The following CEP290 variants were observed in gnomAD, a reference collection of about 807,000 sequenced individuals.
The protein encoded by CEP290 is centrosomal protein 290, also known as centrosomal protein of 290 kDa.
In CEP290, 317 loss-of-function variants were observed where a neutral mutation model predicts 344.9. The ratio of observed to expected loss-of-function variants is 0.92; its 90% CI spans 0.84 to 1.01. CEP290 has a LOEUF of 1.01. Among genes scored for constraint, CEP290 ranks in the 50% least tolerant of loss-of-function variants. CEP290 has a pLI of 0.00. For missense variants in CEP290, 2,754 were observed against 2,761.4 expected (o/e 1.00, Z 0.06); for synonymous variants, 932 against 895.8 (o/e 1.04, Z -0.72).
chr12:88,055,445 G>A, intron 50 of CEP290, 131 bp downstream of exon 50: 2 of 673,818 alleles, frequency 3.0e-6, no homozygotes, highest in Non-Finnish European at 4.5e-6. Flanking sequence ...AAGCAAATGG[G>A]TGAATGGGGT....
At chr12:88,053,787 A>G in intron 51 of CEP290, 41 bp from the exon 52 acceptor site, 1 of 1,021,928 alleles carries the variant, frequency 9.8e-7, no homozygotes. Context: ...TAAAGCAGAT[A>G]TTGCTTCATA....
Position 88,068,635 on chromosome 12 carries a change from C to T in CEP290, c.6022G>A (p.Ala2008Thr), listed in dbSNP as rs2035127889. Reference protein sequence around the residue: ...NDILYMRAHQALPRDSVVEDL... With the variant: ...NDILYMRAHQTLPRDSVVEDL... The stretch of plus-strand genomic sequence containing the variant: ...TCTACAACAGAATCTCGAGGAAGAG[C>T]TTGGTGGGCCCTATGAACAACAATC... Residue 2008 changes from alanine to threonine, a missense_variant, in exon 44 of 54, where the codon GCT becomes ACT. Coordinates refer to ENST00000552810, the MANE Select transcript of CEP290 (RefSeq NM_025114.4). The T allele has an allele frequency of 6.3e-7, 1 of 1,595,258 alleles. No individual in the cohort carries two copies.
chr12:88,073,032 T>A (rs1429787073), intron 41 of CEP290, among the ~76,000 whole-genome samples: 1 of 152,134 alleles, frequency 6.6e-6, no homozygotes, highest in Non-Finnish European at 1.5e-5. Context: ...AGAAAGCCTA[T>A]CCAATGCAGA....
chr12:88,101,718 C>T (rs2037904314), intron 26 of CEP290, among the ~76,000 whole-genome samples: 1 of 150,522 alleles, frequency 6.6e-6, no homozygotes, highest in Middle Eastern at 3.4e-3. Flanking sequence ...AAAATGATAA[C>T]GTTAAACATC....
At chr12:88,066,830 A>T (rs2136878250) in intron 44 of CEP290, among the ~76,000 whole-genome samples, 1 of 152,148 alleles carries the variant, frequency 6.6e-6, no homozygotes, top group East Asian at 1.9e-4. Context: ...GGGTCTGGCT[A>T]TGCTGCCCAA....
chr12:88,114,310 T>C, intron 20 of CEP290, 110 bp downstream of exon 20: 1 of 828,898 alleles, frequency 1.2e-6, no homozygotes, highest in Non-Finnish European at 1.8e-6. Context: ...AGGGAAACAA[T>C]GATTCAAATG....
Position 88,120,238 on chromosome 12 carries a change from C to G in CEP290, c.1398G>C (p.Lys466Asn), listed in dbSNP as rs868405253. ...YGLEDAVVEI[K>N]NCKNQIKIRD... Reference sequence around the variant, plus strand: ...TTATTTTAATTTGGTTTTTACAATTCTTTATTTCAACGACAGCATCTTCTA... The same window carrying G: ...TTATTTTAATTTGGTTTTTACAATTGTTTATTTCAACGACAGCATCTTCTA... The change falls in exon 15 of 54, where the codon AAG becomes AAC. Residue 466 changes from lysine to asparagine, a missense_variant. By Grantham distance (94) the Lys-to-Asn change is moderately conservative (BLOSUM62 0). Coordinates refer to ENST00000552810, the MANE Select transcript of CEP290 (RefSeq NM_025114.4). The G allele has an allele frequency of 6.7e-7, 1 of 1,484,476 alleles. No homozygotes were observed. Among genetic ancestry groups the G allele is most frequent in the South Asian group, 1.4e-5 (1 of 73,838 alleles). The allele number at this position is 1,484,476 out of a possible 1,614,324, so 92.0% of individuals were successfully genotyped here. A position where few individuals can be genotyped will look rare whatever the true frequency, so the allele number is the denominator to read the frequency against.
At chr12:88,083,619 G>C (rs2036351891) in intron 36 of CEP290, among the ~76,000 whole-genome samples, 1 of 152,164 alleles carries the variant, frequency 6.6e-6, no homozygotes, top group Admixed American at 6.5e-5. Flanking sequence ...AATTTGAAAA[G>C]AAAGGCAGGT....
chr12:88,130,337 T>C lies in CEP290; in HGVS notation c.600A>G (p.Glu200=). 1 of 1,610,312 alleles carries C rather than the reference T, an allele frequency of 6.2e-7. No individual in the cohort carries two copies. Among genetic ancestry groups the C allele is most frequent in the Non-Finnish European group, 8.5e-7 (1 of 1,178,500 alleles). The part of the protein sequence containing the change: ...QKETLLSRRG[E]DSDYRSQLSK... ...ACAACTGTGATCGGTAGTCACTGTC[T>C]TCCCCTCTTCTTGATAAAAGTGTTT... Residue 200 remains glutamate, a synonymous_variant, in exon 9 of 54, where the codon GAA becomes GAG. Transcript: ENST00000552810.
chr12:88,140,464 AC>A (rs1410319752), intron 3 of CEP290, among the ~76,000 whole-genome samples: 1 of 152,188 alleles, frequency 6.6e-6, no homozygotes, highest in East Asian at 1.9e-4. Flanking sequence ...TCTGCTACAA[AC>A]TTGCTGCACC....
At chr12:88,060,093 CATA>C in intron 47 of CEP290, 73 bp from the exon 48 acceptor site, 1 of 1,225,566 alleles carries the variant, frequency 8.2e-7, no homozygotes, top group Non-Finnish European at 1.1e-6. Context: ...CTTATAAACT[CATA>C]AATCTTCAAA....
chr12:88,061,183 C>G (rs1283464728), intron 46 of CEP290, among the ~76,000 whole-genome samples, 189 bp from the exon 47 acceptor site: 1 of 152,008 alleles, frequency 6.6e-6, no homozygotes, highest in African/African-American at 2.4e-5. Flanking sequence ...TACAAGAAAA[C>G]CAAGACTTAG....
chr12:88,141,664 T>A (rs1418415462), intron 1 of CEP290, among the ~76,000 whole-genome samples: 1 of 151,948 alleles, frequency 6.6e-6, no homozygotes, highest in Non-Finnish European at 1.5e-5. Flanking sequence ...CGAGGGTCTG[T>A]GGAAGGCCGA....
intron 31 of CEP290, among the ~76,000 whole-genome samples, chr12:88,088,736 G>A (rs1017992474): frequency 3.3e-5 from 5 of 152,138 alleles, no homozygotes; most frequent in African/African-American, 9.7e-5. Context: ...GCTCATGCCT[G>A]TAATCTCAGC....
rs1217229722 is a variant in CEP290, at chr12:88,109,175, C to A, written c.2374G>T (p.Glu792Ter). The A allele has an allele frequency of 8.9e-7, 1 of 1,125,696 alleles. No individual in the cohort carries two copies. The allele number at this position is 1,125,696 out of a possible 1,614,324, so 69.7% of individuals were successfully genotyped here. Reference protein sequence around the residue: ...EYLIHLLQELENKEKKLKNLE... With the variant: ...EYLIHLLQEL ...TTCTTTAACTTTTTTTCTTTATTTT[C>A]TAGTTCCTGAAAAGTGGTTTAGAAA... Residue 792 changes from glutamate (E) to a stop codon, truncating the protein, a stop_gained, in exon 23 of 54, where the codon GAA becomes TAA. Coordinates refer to ENST00000552810, the MANE Select transcript of CEP290 (RefSeq NM_025114.4). LOFTEE classifies it high-confidence loss of function.
Position 88,129,740 on chromosome 12 carries a change from T to C in CEP290, c.806A>G (p.Asn269Ser). The part of the protein sequence containing the change: ...RMKAIVHQTD[N>S]VIDQLKKEND... ...TTCTTTTTTTAACTGATCTATTACA[T>C]TATCTGTCTGATGCACAATAGCTTT... is the stretch of plus-strand genomic sequence containing the variant. The change falls in exon 10 of 54, where the codon AAT becomes AGT. Residue 269 changes from asparagine to serine, a missense_variant. By Grantham distance (46) the Asn-to-Ser change is conservative (BLOSUM62 1). Transcript: ENST00000552810. 1 of 1,481,276 alleles carries C rather than the reference T, an allele frequency of 6.8e-7. No individual in the cohort carries two copies. The highest frequency in any genetic ancestry group is 9.1e-7 in the Non-Finnish European group (1 of 1,101,098). The allele number at this position is 1,481,276 out of a possible 1,614,324, so 91.8% of individuals were successfully genotyped here.
At chr12:88,135,546 C>G (rs117596556) in intron 6 of CEP290, 1 of 152,132 alleles carries the variant, frequency 6.6e-6, no homozygotes, top group African/African-American at 2.4e-5. Context: ...GAGCTTCTTC[C>G]TAACATTTAA....
chr12:88,056,404 T>C (rs894379964), intron 49 of CEP290, among the ~76,000 whole-genome samples: 1 of 152,124 alleles, frequency 6.6e-6, no homozygotes, highest in Non-Finnish European at 1.5e-5. Context: ...TAAGTTAAAA[T>C]GGCCAGTATA....
In CEP290 at chr12:88,092,210, C is replaced by T. The variant is rs1000686995; in HGVS notation, c.3461+471G>A. ...GTACAAGTCAATATATGTTTAATAC[C>T]TTGCACCGTGACTAGTACATAGTAG... On this transcript the variant is annotated intron_variant, in intron 29 of 53. Transcript: ENST00000552810. Among the ~76,000 whole-genome samples, 9 of 152,220 alleles carry T rather than the reference C, an allele frequency of 5.9e-5. No homozygotes were observed. In the East Asian group the frequency reaches 1.7e-3, roughly 29 times the overall value.
Sources: allele counts gnomAD v4.1 joint callset (sites outside exome capture counted in the v4.1 genomes callset), GRCh38; gene constraint gnomAD v4.1.1; transcripts MANE v1.5; gene names NCBI Gene and HGNC (gene_info 2026-07-23, HGNC 2026-07-21).